The following MARCHF1 variants were observed in gnomAD, a reference collection of about 807,000 sequenced individuals.
MARCHF1 encodes E3 ubiquitin-protein ligase MARCHF1.
A neutral mutation model predicts 54.2 loss-of-function variants in MARCHF1; 40 were observed. That is an observed-to-expected ratio of 0.74 (90% CI 0.57 to 0.96). The LOEUF (loss-of-function observed/expected upper bound fraction) is 0.96, where lower values mean the gene tolerates loss of function less well. Among genes scored for constraint, MARCHF1 ranks in the 40% least tolerant of loss-of-function variants. MARCHF1 has a pLI of 0.00. For missense variants in MARCHF1, 586 were observed against 656.5 expected, an observed-to-expected ratio of 0.89 and a Z score of 1.17; for synonymous variants, 236 against 236.3, an observed-to-expected ratio of 1.00 and a Z score of 0.01.
rs527540772 is a variant in MARCHF1 at position 163,905,065 on chromosome 4, G to T, written c.-38-50896C>A. On this transcript the variant is annotated intron_variant, in intron 3 of 9. Coordinates refer to ENST00000514618, the MANE Select transcript of MARCHF1 (RefSeq NM_001394959.1). Reference sequence around the variant, plus strand: ...TTATGTTCCATGTTTTAGAACAAAGGCATCAAGTATGGTGGATAATGATCC... The same window carrying T: ...TTATGTTCCATGTTTTAGAACAAAGTCATCAAGTATGGTGGATAATGATCC... Among the ~76,000 whole-genome samples, 88 of 152,028 alleles carry T rather than the reference G, an allele frequency of 5.8e-4. 1 individual carries two copies. The highest frequency in any genetic ancestry group is 3.4e-3 in the Middle Eastern group (1 of 294).
At chr4:164,137,063 A>C (rs1756418005) in intron 1 of MARCHF1, among the ~76,000 whole-genome samples, 1 of 152,214 alleles carries the variant, frequency 6.6e-6, no homozygotes, top group African/African-American at 2.4e-5. Flanking sequence ...CAATTTGTTC[A>C]TATCTAAAGG....
chr4:164,281,065 T>C (rs1382508912), intron 1 of MARCHF1, among the ~76,000 whole-genome samples: 1 of 152,142 alleles, frequency 6.6e-6, no homozygotes, highest in Non-Finnish European at 1.5e-5. Flanking sequence ...AAAAATTTGA[T>C]TCAAATATTT....
intron 4 of MARCHF1, among the ~76,000 whole-genome samples, chr4:163,722,727 A>G (rs1325785821): frequency 6.6e-6 from 1 of 152,188 alleles, no homozygotes; most frequent in Non-Finnish European, 1.5e-5. Flanking sequence ...TTGGGTGCAT[A>G]TATATTTAAG....
intron 1 of MARCHF1, among the ~76,000 whole-genome samples, chr4:164,377,311 G>T (rs1231857261): frequency 1.3e-5 from 2 of 152,122 alleles, no homozygotes; most frequent in Admixed American, 6.5e-5. Context: ...TCCGTGAATT[G>T]GTCTAGAAAT....
At chr4:163,762,664 AT>A (rs1746860905) in intron 4 of MARCHF1, among the ~76,000 whole-genome samples, 2 of 152,258 alleles carry the variant, frequency 1.3e-5, no homozygotes, top group African/African-American at 4.8e-5. Flanking sequence ...AATTATACAA[AT>A]AGCACACTTA....
intron 1 of MARCHF1, among the ~76,000 whole-genome samples, chr4:164,310,179 C>A (rs1734810943): frequency 6.6e-6 from 1 of 151,952 alleles, no homozygotes; most frequent in African/African-American, 2.4e-5. Flanking sequence ...CCAGGTTCAA[C>A]TGATTATCCT....
At chr4:164,196,019 A>T (rs1731246219) in intron 1 of MARCHF1, among the ~76,000 whole-genome samples, 1 of 152,150 alleles carries the variant, frequency 6.6e-6, no homozygotes, top group African/African-American at 2.4e-5. Context: ...TCCAGCAATC[A>T]TTATATTCAT....
intron 1 of MARCHF1, among the ~76,000 whole-genome samples, chr4:164,275,302 T>A (rs1326434502): frequency 6.6e-6 from 1 of 152,174 alleles, no homozygotes; most frequent in Non-Finnish European, 1.5e-5. Flanking sequence ...TCTGCGGCCA[T>A]TGTGCTGCTG....
chr4:164,098,489 T>G (rs1755463528), intron 2 of MARCHF1, among the ~76,000 whole-genome samples: 1 of 152,196 alleles, frequency 6.6e-6, no homozygotes, highest in South Asian at 2.1e-4. Context: ...AATTCTACTC[T>G]AGTTGAGTTC....
chr4:163,897,735 A>G (rs1750842452), intron 3 of MARCHF1, among the ~76,000 whole-genome samples: 1 of 152,154 alleles, frequency 6.6e-6, no homozygotes, highest in Non-Finnish European at 1.5e-5. Context: ...TGGATTAAAG[A>G]TTTAAATGTA....
chr4:163,692,939 G>A (rs2111206502), intron 5 of MARCHF1, among the ~76,000 whole-genome samples: 1 of 151,432 alleles, frequency 6.6e-6, no homozygotes, highest in East Asian at 2.0e-4. Context: ...CCACGAATGT[G>A]TTCTTTTCAA....
At chr4:163,908,380 A>G (rs1751117610) in intron 3 of MARCHF1, among the ~76,000 whole-genome samples, 1 of 152,160 alleles carries the variant, frequency 6.6e-6, no homozygotes, top group Non-Finnish European at 1.5e-5. Context: ...AAAAAGAGAG[A>G]AGATTTTATG....
intron 3 of MARCHF1, among the ~76,000 whole-genome samples, chr4:163,879,109 T>A (rs1381285612): frequency 1.3e-5 from 2 of 152,228 alleles, no homozygotes; most frequent in Non-Finnish European, 2.9e-5. Flanking sequence ...AACTCATCTT[T>A]AAGGCAATCG....
chr4:164,111,993 C>A (rs1228056387), intron 1 of MARCHF1, among the ~76,000 whole-genome samples: 1 of 151,752 alleles, frequency 6.6e-6, no homozygotes, highest in Non-Finnish European at 1.5e-5. Flanking sequence ...TACTGCCAAA[C>A]AATGTAAGAC....
At chr4:163,872,992 C>G (rs1477016796) in intron 3 of MARCHF1, among the ~76,000 whole-genome samples, 1 of 151,578 alleles carries the variant, frequency 6.6e-6, no homozygotes, top group Non-Finnish European at 1.5e-5. Context: ...TGCAGTGAGC[C>G]GAGATCGCGC....
At chr4:164,357,584 C>A (rs1005723988) in intron 1 of MARCHF1, among the ~76,000 whole-genome samples, 2 of 151,928 alleles carry the variant, frequency 1.3e-5, no homozygotes, top group African/African-American at 4.8e-5. Flanking sequence ...TCTACCACAC[C>A]CATGTAAGAT....
Position 163,986,246 on chromosome 4 carries a change from C to CTTT in MARCHF1, c.-39+2254_-39+2255insAAA, listed in dbSNP as rs1752861022. Among the ~76,000 whole-genome samples the CTTT allele has an allele frequency of 2.7e-4, 20 of 73,758 alleles. 2 individuals are homozygous for CTTT. The highest frequency in any genetic ancestry group is 5.4e-4 in the African/African-American group (12 of 22,124). 48.4% of individuals were successfully genotyped at this position (73,758 alleles called of 152,430 possible). On this transcript the variant is annotated intron_variant, in intron 3 of 9. Coordinates refer to ENST00000514618, the MANE Select transcript of MARCHF1 (RefSeq NM_001394959.1). ...CCTTTCCTTTTCTCCTAATTAACCT[C>CTTT]TTCTTTTTTTTTTTTTTTTTTTTTT...
chr4:164,212,907 G>A (rs765944305), intron 1 of MARCHF1, among the ~76,000 whole-genome samples: 1 of 152,160 alleles, frequency 6.6e-6, no homozygotes, highest in African/African-American at 2.4e-5. Context: ...CTTTGAAAGT[G>A]CCAGTGTTTC....
chr4:163,623,469 A>G (rs1741756693), intron 5 of MARCHF1, among the ~76,000 whole-genome samples: 1 of 152,148 alleles, frequency 6.6e-6, no homozygotes. Context: ...TATGAGTGCC[A>G]CTTACCTTCT....
Sources: allele counts gnomAD v4.1 joint callset (sites outside exome capture counted in the v4.1 genomes callset), GRCh38; gene constraint gnomAD v4.1.1; transcripts MANE v1.5; gene names NCBI Gene and HGNC (gene_info 2026-07-23, HGNC 2026-07-21).